The following CADM2 variants were observed in gnomAD, a reference collection of about 807,000 sequenced individuals.
CADM2 encodes immunoglobulin superfamily member 4D.
In CADM2, 12 loss-of-function variants were observed where a neutral mutation model predicts 49.8. The observed-to-expected ratio is 0.24, with a 90% CI of 0.15 to 0.39. The LOEUF is 0.39. Among genes scored for constraint, CADM2 ranks in the 10% least tolerant of loss-of-function variants. The pLI, the probability that CADM2 is intolerant of heterozygous loss-of-function variation, is 1.00. For synonymous variants in CADM2, 214 were observed against 175.4 expected, an observed-to-expected ratio of 1.22 and a Z score of -1.74; for missense variants, 378 against 492.3, an observed-to-expected ratio of 0.77 and a Z score of 2.20.
intron 1 of CADM2, among the ~76,000 whole-genome samples, chr3:85,626,769 A>G (rs2064142850): frequency 6.6e-6 from 1 of 152,020 alleles, no homozygotes; most frequent in African/African-American, 2.4e-5. Flanking sequence ...ATGATCCCAC[A>G]TTTTCCCCCC....
intron 1 of CADM2, among the ~76,000 whole-genome samples, chr3:85,469,178 T>C (rs1270732628): frequency 3.9e-5 from 6 of 152,158 alleles, no homozygotes; most frequent in Admixed American, 6.5e-5. Context: ...GAGTTTTTGA[T>C]ATGGGAGTGG....
intron 1 of CADM2, among the ~76,000 whole-genome samples, chr3:85,147,275 C>CAAAAAAAAAAAAAAAAAAAAAA (rs759888985): frequency 6.5e-5 from 3 of 45,964 alleles, no homozygotes; most frequent in African/African-American, 1.5e-4. Context: ...GACTCTGTCT[C>CAAAAAAAAAAAAAAAAAAAAAA]AAAAAAAAAA....
chr3:86,005,593 T>C (rs1403391247), intron 8 of CADM2, among the ~76,000 whole-genome samples: 1 of 151,586 alleles, frequency 6.6e-6, no homozygotes, highest in African/African-American at 2.4e-5. Flanking sequence ...TAGGTGTATA[T>C]ATTTATGTGG....
At chr3:85,870,961 A>C (rs1202768160) in intron 3 of CADM2, among the ~76,000 whole-genome samples, 1 of 152,242 alleles carries the variant, frequency 6.6e-6, no homozygotes, top group Admixed American at 6.5e-5. Flanking sequence ...CATAGGCAAT[A>C]ATATTCCAGA....
At chr3:85,379,351 T>TTTA (rs1378986391) in intron 1 of CADM2, among the ~76,000 whole-genome samples, 8 of 151,942 alleles carry the variant, frequency 5.3e-5, no homozygotes, top group African/African-American at 1.9e-4. Flanking sequence ...ACTGTAGAGT[T>TTTA]TAGATGAAGG....
chr3:85,175,959 C>A (rs898983901), intron 1 of CADM2, among the ~76,000 whole-genome samples: 2 of 117,030 alleles, frequency 1.7e-5, no homozygotes, highest in Admixed American at 1.1e-4. Flanking sequence ...GACGGAGTCT[C>A]GCTCTGTCGC....
At chr3:85,353,389 T>C (rs1157047718) in intron 1 of CADM2, among the ~76,000 whole-genome samples, 1 of 152,142 alleles carries the variant, frequency 6.6e-6, no homozygotes, top group African/African-American at 2.4e-5. Flanking sequence ...TGCTTTGTTC[T>C]TGCCCCTTAA....
At chr3:85,130,634 G>T (rs79778689) in intron 1 of CADM2, among the ~76,000 whole-genome samples, 8,727 of 152,180 alleles carry the variant, frequency 0.057, 839 homozygotes, top group African/African-American at 0.2. Context: ...GGGAGTAGGT[G>T]AATGAAAATA....
chr3:85,239,044 A>C (rs1276945468), intron 1 of CADM2, among the ~76,000 whole-genome samples: 1 of 151,832 alleles, frequency 6.6e-6, no homozygotes, highest in African/African-American at 2.4e-5. Flanking sequence ...GTAAAGAAAA[A>C]GACTTGGCTT....
At chr3:85,707,143 T>C (rs557383785) in intron 1 of CADM2, among the ~76,000 whole-genome samples, 1 of 152,088 alleles carries the variant, frequency 6.6e-6, no homozygotes, top group South Asian at 2.1e-4. Flanking sequence ...TACTTTATAC[T>C]GTATATGTTT....
chr3:85,969,690 C>T (rs1045956369), intron 8 of CADM2, among the ~76,000 whole-genome samples: 1 of 151,170 alleles, frequency 6.6e-6, no homozygotes, highest in South Asian at 2.1e-4. Flanking sequence ...TATATGCCCT[C>T]ACACTAGACT....
chr3:85,348,472 CACA>C (rs1399422037), intron 1 of CADM2, among the ~76,000 whole-genome samples: 1 of 152,290 alleles, frequency 6.6e-6, no homozygotes, highest in Non-Finnish European at 1.5e-5. Flanking sequence ...CACATTTTAT[CACA>C]AGAAAATTTA....
intron 5 of CADM2, among the ~76,000 whole-genome samples, chr3:85,908,254 CTTTTTT>C (rs898710165): frequency 2.0e-3 from 132 of 65,786 alleles, no homozygotes; most frequent in African/African-American, 6.9e-3. Context: ...TTTTTTTCTT[CTTTTTT>C]TTTTTTTTTT....
At chr3:85,197,915 T>C (rs1054631013) in intron 1 of CADM2, among the ~76,000 whole-genome samples, 2 of 151,938 alleles carry the variant, frequency 1.3e-5, no homozygotes, top group African/African-American at 4.8e-5. Flanking sequence ...ATCATTCATA[T>C]GAAGTCTTTT....
At chr3:85,785,238 T>C (rs1020677707) in intron 2 of CADM2, among the ~76,000 whole-genome samples, 1 of 152,118 alleles carries the variant, frequency 6.6e-6, no homozygotes, top group Non-Finnish European at 1.5e-5. Flanking sequence ...TTACATTTTG[T>C]TCATCTTTTA....
chr3:85,606,766 G>A (rs750346026), intron 1 of CADM2, among the ~76,000 whole-genome samples: 2 of 152,076 alleles, frequency 1.3e-5, no homozygotes, highest in African/African-American at 2.4e-5. Flanking sequence ...TAATGGAAGC[G>A]AGTGGAAGAA....
chr3:85,381,423 T>TTA (rs201277075), intron 1 of CADM2, among the ~76,000 whole-genome samples: 2,515 of 145,874 alleles, frequency 0.017, 60 homozygotes, highest in African/African-American at 0.05. Context: ...GTATGTTGCT[T>TTA]TATATATATA....
intron 1 of CADM2, among the ~76,000 whole-genome samples, chr3:85,231,868 C>A (rs1576173688): frequency 6.6e-6 from 1 of 151,546 alleles, no homozygotes; most frequent in Non-Finnish European, 1.5e-5. Flanking sequence ...GCCCGCACCA[C>A]ACCCGACTAA....
intron 1 of CADM2, among the ~76,000 whole-genome samples, chr3:85,452,643 A>T (rs2107571272): frequency 6.6e-6 from 1 of 152,242 alleles, no homozygotes; most frequent in Admixed American, 6.5e-5. Flanking sequence ...CTTTTTGCAA[A>T]TTCTCTTTCG....
Sources: allele counts gnomAD v4.1 joint callset (sites outside exome capture counted in the v4.1 genomes callset), GRCh38; gene constraint gnomAD v4.1.1; transcripts MANE v1.5; gene names NCBI Gene and HGNC (gene_info 2026-07-23, HGNC 2026-07-21).